Variants in DCHS2 observed in about 807,000 individuals in gnomAD.
The protein encoded by DCHS2 is dachsous cadherin-related 2.
A neutral mutation model predicts 182.4 loss-of-function variants in DCHS2; 142 were observed. That is an observed-to-expected ratio of 0.78 (90% CI 0.68 to 0.89). The LOEUF (loss-of-function observed/expected upper bound fraction) is 0.89. Among genes scored for constraint, DCHS2 ranks in the 40% least tolerant of loss-of-function variants. The probability of loss-of-function intolerance (pLI) is 0.00; values close to 1 mark genes in which losing one functional copy is unlikely to be tolerated. For missense variants in DCHS2, 4,319 were observed against 4,198.6 expected (o/e 1.03, Z -0.79); for synonymous variants, 1,740 against 1,663.3 (o/e 1.05, Z -1.12).
At chr4:154,455,951 A>G (rs923138390) in intron 1 of DCHS2, among the ~76,000 whole-genome samples, 4 of 152,212 alleles carry the variant, frequency 2.6e-5, no homozygotes, top group South Asian at 2.1e-4. Context: ...TTAGCTGAGC[A>G]TGGTGGCACA....
At chr4:154,256,103 A>G (rs1458258372) in intron 15 of DCHS2, among the ~76,000 whole-genome samples, 4 of 152,144 alleles carry the variant, frequency 2.6e-5, no homozygotes, top group Non-Finnish European at 2.9e-5. Context: ...AATTACCTAT[A>G]AAATTGGCTA....
chr4:154,236,637 G>C lies in DCHS2; in HGVS notation c.8015C>G (p.Thr2672Ser). The stretch of plus-strand genomic sequence containing the variant: ...TAGAGGGGTGCTTTCCTTGACATGG[G>C]TGTGATAGCTCAGGCTGCTGAAGTT... ...PPNFSSLSYH[T>S]HVKESTPLGS... Residue 2672 changes from threonine to serine, a missense_variant, in exon 20 of 20, where the codon ACC (threonine) becomes AGC (serine). Physicochemically the swap from Thr to Ser is moderately conservative, Grantham distance 58 (BLOSUM62 1). Transcript: ENST00000357232. The C allele has an allele frequency of 6.2e-7, 1 of 1,614,006 alleles. No homozygotes were observed.
Position 154,416,171 on chromosome 4 carries a change from G to C in DCHS2, c.2053-38727C>G, listed in dbSNP as rs546596858. 2.6e-5 allele frequency among the ~76,000 whole-genome samples: 4 copies of C among 152,274 alleles called. No homozygotes were observed. The South Asian group carries it at 8.3e-4, about 32-fold the overall frequency. ...AGAGGGCGCTAAGTCAAATGGTCATGATCAGCTGTCTGAAAGTTGGGGAGA... is the reference window on the plus strand; with the variant it reads ...AGAGGGCGCTAAGTCAAATGGTCATCATCAGCTGTCTGAAAGTTGGGGAGA... On this transcript the variant is annotated intron_variant, in intron 1 of 19. Transcript: ENST00000357232.
At position 154,417,187 on chromosome 4, in the gene DCHS2, G is replaced by C. The variant is rs1732872254; in HGVS notation, c.2053-39743C>G. On this transcript the variant is annotated intron_variant, in intron 1 of 19. Coordinates refer to ENST00000357232, the MANE Select transcript of DCHS2 (RefSeq NM_001358235.2). ...TGTGTGTGTGTGTGTGTGTGTGTGT[G>C]TGTGTGTGTGTGTGTGTGAGAGAGA... Among the ~76,000 whole-genome samples, 11 of 116,270 alleles carry C rather than the reference G, an allele frequency of 9.5e-5. No individual in the cohort carries two copies. In the South Asian group the frequency reaches 3.6e-3, roughly 38 times the overall value. The allele number at this position is 116,270 out of a possible 152,430, so 76.3% of individuals were successfully genotyped here.
At position 154,297,943 on chromosome 4, in the gene DCHS2, C is replaced by A; in HGVS notation, c.6371G>T (p.Gly2124Val). 1 of 1,614,092 alleles carries A rather than the reference C, an allele frequency of 6.2e-7. No individual in the cohort carries two copies. Among genetic ancestry groups the A allele is most frequent in the Non-Finnish European group, 8.5e-7 (1 of 1,180,002 alleles). Residue 2124 changes from glycine to valine, a missense_variant, in exon 13 of 20, where the codon GGT becomes GTT. Physicochemically the swap from Gly to Val is moderately radical, Grantham distance 109 (BLOSUM62 -3). Coordinates refer to ENST00000357232, the MANE Select transcript of DCHS2 (RefSeq NM_001358235.2). Reference sequence around the variant, plus strand: ...TCCTTCCATGTGAATGACCAAGAGACCCGTGGTTGTCCTGGCTGGAATGCC... The same window carrying A: ...TCCTTCCATGTGAATGACCAAGAGAACCGTGGTTGTCCTGGCTGGAATGCC... Reference protein sequence around the residue: ...DQGIPARTTTGLLVIHMEGED... With the variant: ...DQGIPARTTTVLLVIHMEGED...
At chr4:154,352,715 T>C (rs1325908264) in intron 3 of DCHS2, among the ~76,000 whole-genome samples, 4 of 152,168 alleles carry the variant, frequency 2.6e-5, no homozygotes, top group African/African-American at 9.7e-5. Flanking sequence ...CTTCAATAAA[T>C]TGACAATAAA....
chr4:154,402,335 C>G (rs1732222164), intron 1 of DCHS2, among the ~76,000 whole-genome samples: 1 of 152,026 alleles, frequency 6.6e-6, no homozygotes, highest in African/African-American at 2.4e-5. Context: ...CTCCCAACCC[C>G]CAAATGTTTG....
At chr4:154,350,407 T>C (rs1383651917) in intron 3 of DCHS2, among the ~76,000 whole-genome samples, 1 of 152,160 alleles carries the variant, frequency 6.6e-6, no homozygotes, top group Non-Finnish European at 1.5e-5. Context: ...ATCTGTAGTT[T>C]TTTTTAAATT....
Position 154,332,523 on chromosome 4 carries a change from A to T in DCHS2, c.3685T>A (p.Phe1229Ile). 6.2e-7 allele frequency: 1 copy of T among 1,614,064 alleles called. No individual in the cohort carries two copies. Among genetic ancestry groups the T allele is most frequent in the Non-Finnish European group, 8.5e-7 (1 of 1,179,954 alleles). Residue 1229 changes from phenylalanine to isoleucine, a missense_variant, in exon 5 of 20, where the codon TTC becomes ATC. Physicochemically the swap from Phe to Ile is conservative, Grantham distance 21. Coordinates refer to ENST00000357232, the MANE Select transcript of DCHS2 (RefSeq NM_001358235.2). ...AAGAATTTTCCATCAGACAAAAGGA[A>T]ATATAATAGCTGTCCATTCTTTCCA... ...DSGKNGQLLY[F>I]LLSDGKFFKM...
intron 1 of DCHS2, among the ~76,000 whole-genome samples, chr4:154,389,164 A>G (rs1320367354): frequency 6.6e-6 from 1 of 152,132 alleles, no homozygotes; most frequent in Non-Finnish European, 1.5e-5. Flanking sequence ...ACATATCAAT[A>G]TTTGAATTTC....
At chr4:154,463,127 G>A (rs1735084445) in intron 1 of DCHS2, among the ~76,000 whole-genome samples, 1 of 146,762 alleles carries the variant, frequency 6.8e-6, no homozygotes, top group South Asian at 2.2e-4. Context: ...ATATACATAA[G>A]TATATACATA....
chr4:154,384,553 A>G, intron 1 of DCHS2: 3 of 1,534,748 alleles, frequency 2.0e-6, no homozygotes, highest in Non-Finnish European at 2.6e-6. Flanking sequence ...CTCTTATTTG[A>G]TAAAGTAGTG....
intron 1 of DCHS2, among the ~76,000 whole-genome samples, chr4:154,406,290 A>T (rs1441309927): frequency 3.3e-5 from 5 of 152,152 alleles, no homozygotes; most frequent in Admixed American, 3.3e-4. Flanking sequence ...TCAAGTCCCA[A>T]TCACTGCCTC....
intron 9 of DCHS2, 89 bp downstream of exon 9, chr4:154,320,290 A>G (rs957545788): frequency 6.6e-7 from 1 of 1,514,492 alleles, no homozygotes; most frequent in African/African-American, 1.4e-5. Context: ...TGTATTGTAC[A>G]CTTAAAACTT....
intron 1 of DCHS2, among the ~76,000 whole-genome samples, chr4:154,445,224 G>A (rs1193606304): frequency 6.6e-6 from 1 of 152,160 alleles, no homozygotes; most frequent in Non-Finnish European, 1.5e-5. Flanking sequence ...TTAGGGCTTA[G>A]AATCGAGTCT....
In DCHS2 at chr4:154,236,540, G is replaced by A. The variant is rs1386355267; in HGVS notation, c.8112C>T (p.Ile2704=). 6.2e-7 allele frequency: 1 copy of A among 1,613,998 alleles called. No individual in the cohort carries two copies. The highest frequency in any genetic ancestry group is 2.2e-5 in the East Asian group (1 of 44,862). The part of the protein sequence containing the change: ...TGSHAEIIYN[I]ISGNEKGHFY... ...AATGTCCCTTCTCATTTCCAGAGAT[G>A]ATGTTGTAGATGATTTCTGCATGTG... The change falls in exon 20 of 20, where the codon ATC becomes ATT. Residue 2704 remains isoleucine, a synonymous_variant. Transcript: ENST00000357232.
chr4:154,418,533 A>G (rs942970967), intron 1 of DCHS2, among the ~76,000 whole-genome samples: 1 of 152,248 alleles, frequency 6.6e-6, no homozygotes, highest in Non-Finnish European at 1.5e-5. Flanking sequence ...AGTATTTATT[A>G]AAAACATTTA....
At chr4:154,248,005 A>G (rs1578853608) in intron 16 of DCHS2, among the ~76,000 whole-genome samples, 1 of 152,208 alleles carries the variant, frequency 6.6e-6, no homozygotes, top group African/African-American at 2.4e-5. Context: ...GAGGGCATAA[A>G]GCAGTAGGAA....
chr4:154,275,437 A>G (rs1356225588), intron 13 of DCHS2, among the ~76,000 whole-genome samples: 1 of 152,170 alleles, frequency 6.6e-6, no homozygotes, highest in Non-Finnish European at 1.5e-5. Flanking sequence ...ATTATAATCA[A>G]TCATGGTGGA....
Sources: gnomAD v4.1 joint callset for allele counts (sites outside exome capture counted in the v4.1 genomes callset) on GRCh38, gnomAD v4.1.1 for gene constraint, MANE v1.5 for transcripts, NCBI Gene and HGNC (gene_info 2026-07-23, HGNC 2026-07-21) for gene names.